ABCA5: variants seen among roughly 807,000 people sequenced by gnomAD.
The protein encoded by ABCA5 is ATP binding cassette subfamily A member 5.
Under a neutral mutation model 206.0 loss-of-function variants are expected in ABCA5, and 163 were observed. That is an observed-to-expected ratio of 0.79 (90% CI 0.70 to 0.90). The LOEUF (loss-of-function observed/expected upper bound fraction) is 0.90. Ranked by LOEUF, ABCA5 falls within the 40% of genes least tolerant of loss-of-function variation. The probability of loss-of-function intolerance (pLI) is 0.00; values close to 1 mark genes in which losing one functional copy is unlikely to be tolerated. For missense variants in ABCA5, 1,859 were observed against 1,912.9 expected (o/e 0.97, Z 0.53); for synonymous variants, 609 against 613.8 (o/e 0.99, Z 0.11).
At chr17:69,286,750 G>T (rs1388693597) in intron 15 of ABCA5, among the ~76,000 whole-genome samples, 1 of 152,134 alleles carries the variant, frequency 6.6e-6, no homozygotes, top group Non-Finnish European at 1.5e-5. Flanking sequence ...AGGTACTACT[G>T]AAGACATGAA....
At chr17:69,258,709 A>C (rs901186979) in intron 28 of ABCA5, among the ~76,000 whole-genome samples, 7 of 152,084 alleles carry the variant, frequency 4.6e-5, no homozygotes, top group African/African-American at 1.7e-4. Context: ...TTTTTAAAAA[A>C]CCAGCTGAAT....
At chr17:69,251,955 T>G (rs2075018734) in intron 34 of ABCA5, 89 bp from the exon 35 acceptor site, 1 of 1,424,286 alleles carries the variant, frequency 7.0e-7, no homozygotes, top group African/African-American at 1.4e-5. Flanking sequence ...GTTGGTTAAT[T>G]AAGTTAATTA....
intron 1 of ABCA5, among the ~76,000 whole-genome samples, chr17:69,318,191 T>G (rs1042941767): frequency 3.3e-5 from 5 of 151,226 alleles, no homozygotes; most frequent in Non-Finnish European, 5.9e-5. Flanking sequence ...GGCTCCTGGG[T>G]TCAAGCAATT....
rs71144665 is a variant in ABCA5 at position 69,252,016 on chromosome 17, A to ACTTTTATATTCTTTTTTTTTTT, written c.4416-151_4416-150insAAAAAAAAAAAGAATATAAAAG. On this transcript the variant is annotated intron_variant, in intron 34 of 38. Coordinates refer to ENST00000392676, the MANE Select transcript of ABCA5 (RefSeq NM_172232.4). ...GGCTATTACATCCTGCCCAACTATG[A>ACTTTTATATTCTTTTTTTTTTT]TTTTTTTTTTTTTGAGACGGAGTCT... 14 of 614,098 alleles carry ACTTTTATATTCTTTTTTTTTTT rather than the reference A, an allele frequency of 2.3e-5. 2 individuals carry two copies. Among genetic ancestry groups the ACTTTTATATTCTTTTTTTTTTT allele is most frequent in the Admixed American group, 1.4e-4 (4 of 28,186 alleles). 38.0% of individuals were successfully genotyped at this position (614,098 alleles called of 1,614,324 possible). A position where few individuals can be genotyped will look rare whatever the true frequency, so the allele number is the denominator to read the frequency against.
intron 13 of ABCA5, 28 bp downstream of exon 13, chr17:69,289,834 A>C: frequency 6.5e-7 from 1 of 1,527,702 alleles, no homozygotes; most frequent in Non-Finnish European, 8.9e-7. Flanking sequence ...AGGAAATAAA[A>C]GTAAAGATTT....
chr17:69,296,971 C>T (rs1298929092), intron 10 of ABCA5, among the ~76,000 whole-genome samples: 1 of 152,052 alleles, frequency 6.6e-6, no homozygotes, highest in Non-Finnish European at 1.5e-5. Context: ...TCTCAAAAAA[C>T]AGAAAGAAAG....
chr17:69,269,843 T>C (rs2075253215), intron 22 of ABCA5, among the ~76,000 whole-genome samples: 2 of 152,194 alleles, frequency 1.3e-5, no homozygotes, highest in African/African-American at 2.4e-5. Context: ...TGATTCCATT[T>C]ATATAAAATG....
chr17:69,319,873 T>C (rs2075848164), intron 1 of ABCA5, among the ~76,000 whole-genome samples: 1 of 152,192 alleles, frequency 6.6e-6, no homozygotes, highest in Admixed American at 6.5e-5. Flanking sequence ...GAACTAATAA[T>C]GCCCAAAGTA....
At chr17:69,297,903 G>A (rs1321846598) in intron 9 of ABCA5, among the ~76,000 whole-genome samples, 1 of 152,142 alleles carries the variant, frequency 6.6e-6, no homozygotes, top group Non-Finnish European at 1.5e-5. Flanking sequence ...TATACAATGA[G>A]GCCAGGCATG....
intron 20 of ABCA5, among the ~76,000 whole-genome samples, chr17:69,272,675 C>T (rs1442117291): frequency 1.3e-5 from 2 of 151,986 alleles, no homozygotes; most frequent in African/African-American, 4.8e-5. Flanking sequence ...AAAAAAATTG[C>T]AAAACCTAAC....
At chr17:69,264,965 AT>A in intron 23 of ABCA5, 60 bp from the exon 24 acceptor site, 1 of 1,157,206 alleles carries the variant, frequency 8.6e-7, no homozygotes, top group South Asian at 2.6e-5. Context: ...ACACAAATAA[AT>A]TAGTAAATTA....
chr17:69,320,931 C>T (rs1470454169), intron 1 of ABCA5, among the ~76,000 whole-genome samples: 1 of 152,116 alleles, frequency 6.6e-6, no homozygotes, highest in Non-Finnish European at 1.5e-5. Flanking sequence ...GGTGTCGAGA[C>T]CACATTGTCT....
chr17:69,293,640 G>T (rs937873903), intron 11 of ABCA5, among the ~76,000 whole-genome samples: 14 of 152,228 alleles, frequency 9.2e-5, no homozygotes, highest in African/African-American at 3.4e-4. Flanking sequence ...CCTGCCTCAA[G>T]AATGTAACAG....
At position 69,279,111 on chromosome 17, in the gene ABCA5, T is replaced by C. The variant is rs538068077; in HGVS notation, c.2393-1269A>G. Among the ~76,000 whole-genome samples the C allele has an allele frequency of 6.6e-5, 10 of 152,062 alleles. No individual in the cohort carries two copies. In the South Asian group the frequency reaches 1.7e-3, roughly 25 times the overall value. ...AAGTCAAATTGTCCCTGTTTGCAGATGACATGATTGTATATCTAGAAAACC... is the reference window on the plus strand; with the variant it reads ...AAGTCAAATTGTCCCTGTTTGCAGACGACATGATTGTATATCTAGAAAACC... On this transcript the variant is annotated intron_variant, in intron 18 of 38. Coordinates refer to ENST00000392676, the MANE Select transcript of ABCA5 (RefSeq NM_172232.4).
chr17:69,319,018 T>C (rs1424525692), intron 1 of ABCA5: 1 of 441,544 alleles, frequency 2.3e-6, no homozygotes, highest in South Asian at 2.8e-5. Context: ...GGGCCTGTTT[T>C]ACTATGATGT....
At chr17:69,289,489 A>ATTT (rs2075500487) in intron 13 of ABCA5, among the ~76,000 whole-genome samples, 193 bp from the exon 14 acceptor site, 1 of 152,188 alleles carries the variant, frequency 6.6e-6, no homozygotes, top group Non-Finnish European at 1.5e-5. Flanking sequence ...CTCATATATA[A>ATTT]TTATGAAAAC....
intron 8 of ABCA5, among the ~76,000 whole-genome samples, chr17:69,302,180 T>G (rs1042625311): frequency 2.0e-5 from 3 of 152,200 alleles, no homozygotes; most frequent in African/African-American, 7.2e-5. Context: ...TTATAAGACT[T>G]CTTCCATTTA....
chr17:69,246,671 C>T lies in ABCA5; in HGVS notation c.*866G>A, dbSNP rs1289914797. 6.6e-6 allele frequency: 1 copy of T among 151,714 alleles called. No homozygotes were observed. The highest frequency in any genetic ancestry group is 2.4e-5 in the African/African-American group (1 of 41,372). 9.4% of individuals were successfully genotyped at this position (151,714 alleles called of 1,614,324 possible). ...CAAATACCCAATAAAATATTTTATT[C>T]AAGAACAAAATTAAATGTGCCCTTT... On this transcript the variant is annotated 3_prime_UTR_variant, in exon 39 of 39. Transcript: ENST00000392676.
At position 69,255,537 on chromosome 17, in the gene ABCA5, T is replaced by C. The variant is rs1461917657; in HGVS notation, c.4068+6A>G. On this transcript the variant is annotated splice_donor_region_variant and intron_variant, in intron 31 of 38. Transcript: ENST00000392676. Reference sequence around the variant, plus strand: ...TCAACATATCCTATACTCTTATATATCATACCTGGCCTGAAGTTGGTTCAA... The same window carrying C: ...TCAACATATCCTATACTCTTATATACCATACCTGGCCTGAAGTTGGTTCAA... 1.3e-6 allele frequency: 2 copies of C among 1,530,426 alleles called. No homozygotes were observed. The highest frequency in any genetic ancestry group is 4.6e-5 in the East Asian group (2 of 43,820). 94.8% of individuals were successfully genotyped at this position (1,530,426 alleles called of 1,614,324 possible).
Sources: allele counts gnomAD v4.1 joint callset (sites outside exome capture counted in the v4.1 genomes callset), GRCh38; gene constraint gnomAD v4.1.1; transcripts MANE v1.5; gene names NCBI Gene and HGNC (gene_info 2026-07-23, HGNC 2026-07-21).